Variants in ROR2 observed in about 807,000 individuals in gnomAD.
ROR2 encodes tyrosine-protein kinase transmembrane receptor ROR2.
Under a neutral mutation model 74.9 loss-of-function variants are expected in ROR2, and 33 were observed. That is an observed-to-expected ratio of 0.44 (90% confidence interval 0.33 to 0.59). The LOEUF is 0.59. ROR2 is among the 20% of genes least tolerant of loss of function. The probability of loss-of-function intolerance (pLI) is 0.02; values close to 1 mark genes in which losing one functional copy is unlikely to be tolerated. For synonymous variants in ROR2, 586 were observed against 558.7 expected (o/e 1.05, Z -0.69); for missense variants, 1,216 against 1,313.8 (o/e 0.93, Z 1.15).
chr9:91,895,109 C>A (rs1212249883), intron 1 of ROR2, among the ~76,000 whole-genome samples: 1 of 152,048 alleles, frequency 6.6e-6, no homozygotes, highest in East Asian at 1.9e-4. Context: ...GCTATCAAAC[C>A]ATGAAAAGAG....
At position 91,945,433 on chromosome 9, in the gene ROR2, A is replaced by G. The variant is rs75127805; in HGVS notation, c.97+4434T>C. On this transcript the variant is annotated intron_variant, in intron 1 of 8. Transcript: ENST00000375708. ...ATTTAGGGGAACCCTCCCCCACTCC[A>G]GGAGGACTTGAAGCAGCCGCCACAT... Among the ~76,000 whole-genome samples, 1,324 of 152,328 alleles carry G rather than the reference A, an allele frequency of 8.7e-3. 14 individuals are homozygous for G. The highest frequency in any genetic ancestry group is 0.024 in the Middle Eastern group (7 of 294).
At chr9:91,901,617 A>C (rs1432077003) in intron 1 of ROR2, among the ~76,000 whole-genome samples, 1 of 152,090 alleles carries the variant, frequency 6.6e-6, no homozygotes. Flanking sequence ...GGAGTTTGAG[A>C]CCAGCCTGAC....
At position 91,927,459 on chromosome 9, in the gene ROR2, T is replaced by A. The variant is rs140049111; in HGVS notation, c.97+22408A>T. 7.7e-4 allele frequency among the ~76,000 whole-genome samples: 117 copies of A among 152,112 alleles called. No homozygotes were observed. The East Asian group carries it at 0.018, about 23-fold the overall frequency. ...GAAGGGGGACCAGGGGAGAAAAAAG[T>A]CCGAGGGCCACCTCCATGCCCCACC... is the stretch of plus-strand genomic sequence containing the variant. On this transcript the variant is annotated intron_variant, in intron 1 of 8. Transcript: ENST00000375708.
At chr9:91,910,862 C>T (rs982208789) in intron 1 of ROR2, among the ~76,000 whole-genome samples, 1 of 152,144 alleles carries the variant, frequency 6.6e-6, no homozygotes, top group Non-Finnish European at 1.5e-5. Flanking sequence ...CGGGGTTTCA[C>T]CTTGTTGGCC....
At chr9:91,940,792 G>T (rs1831831078) in intron 1 of ROR2, among the ~76,000 whole-genome samples, 1 of 151,748 alleles carries the variant, frequency 6.6e-6, no homozygotes, top group South Asian at 2.1e-4. Context: ...AGTAGAGATG[G>T]GGTTTCACCA....
intron 1 of ROR2, among the ~76,000 whole-genome samples, chr9:91,868,631 T>A (rs998079826): frequency 6.6e-6 from 1 of 152,192 alleles, no homozygotes; most frequent in Admixed American, 6.5e-5. Flanking sequence ...GATTTCTCGT[T>A]AAAAACAATG....
At chr9:91,817,124 C>T (rs1827964839) in intron 1 of ROR2, among the ~76,000 whole-genome samples, 1 of 152,206 alleles carries the variant, frequency 6.6e-6, no homozygotes, top group Non-Finnish European at 1.5e-5. Flanking sequence ...GCAGAGCTGA[C>T]ATCTGCCGTT....
intron 1 of ROR2, among the ~76,000 whole-genome samples, chr9:91,910,666 T>C (rs1457178347): frequency 2.1e-5 from 3 of 143,318 alleles, no homozygotes; most frequent in East Asian, 2.0e-4. Context: ...AAATATGTAA[T>C]ACTTTTTTTT....
At chr9:91,789,078 C>T (rs990239450) in intron 1 of ROR2, among the ~76,000 whole-genome samples, 7 of 152,046 alleles carry the variant, frequency 4.6e-5, no homozygotes, top group East Asian at 1.9e-4. Context: ...GTATACTTCA[C>T]GATAGCTAGA....
chr9:91,917,465 C>T (rs1037661548), intron 1 of ROR2, among the ~76,000 whole-genome samples: 9 of 152,210 alleles, frequency 5.9e-5, no homozygotes, highest in African/African-American at 2.2e-4. Flanking sequence ...GGCAGGGAAG[C>T]TCGTGTGTCC....
chr9:91,760,270 C>G (rs75699713), intron 2 of ROR2, among the ~76,000 whole-genome samples: 4,825 of 152,342 alleles, frequency 0.032, 259 homozygotes, highest in African/African-American at 0.11. Context: ...CACTAAATCA[C>G]TTGGCTTGTT....
chr9:91,903,516 A>G (rs1830725993), intron 1 of ROR2, among the ~76,000 whole-genome samples: 1 of 151,870 alleles, frequency 6.6e-6, no homozygotes, highest in Admixed American at 6.6e-5. Flanking sequence ...CCATTCCTAC[A>G]TCTCCAAATT....
At chr9:91,939,573 T>C (rs927114352) in intron 1 of ROR2, among the ~76,000 whole-genome samples, 1 of 152,174 alleles carries the variant, frequency 6.6e-6, no homozygotes, top group Non-Finnish European at 1.5e-5. Flanking sequence ...TGTGAATTCT[T>C]TTACATACTC....
intron 1 of ROR2, among the ~76,000 whole-genome samples, chr9:91,867,656 C>CTATGTGTGTG (rs564755026): frequency 7.6e-6 from 1 of 131,288 alleles, no homozygotes; most frequent in East Asian, 2.2e-4. Flanking sequence ...CACCCATGAG[C>CTATGTGTGTG]TGTGTGTGTG....
chr9:91,908,838 A>G (rs556122843), intron 1 of ROR2, among the ~76,000 whole-genome samples: 2 of 152,190 alleles, frequency 1.3e-5, no homozygotes, highest in Non-Finnish European at 2.9e-5. Flanking sequence ...ATTCCTTAAA[A>G]TGTAAACACC....
rs183812603 is a variant in ROR2 at position 91,884,514 on chromosome 9, A to T, written c.97+65353T>A. Among the ~76,000 whole-genome samples the T allele has an allele frequency of 6.6e-5, 10 of 150,438 alleles. No homozygotes were observed. The East Asian group carries it at 1.8e-3, about 26-fold the overall frequency. On this transcript the variant is annotated intron_variant, in intron 1 of 8. Coordinates refer to ENST00000375708, the MANE Select transcript of ROR2 (RefSeq NM_004560.4). The stretch of plus-strand genomic sequence containing the variant: ...AAGGCTTGCGGGGGGCCTTCTAGGT[A>T]CAGAAATTCTGTATTCTCCATTCCC...
At chr9:91,823,780 C>T (rs1421376955) in intron 1 of ROR2, among the ~76,000 whole-genome samples, 3 of 152,222 alleles carry the variant, frequency 2.0e-5, no homozygotes, top group Non-Finnish European at 4.4e-5. Context: ...GGCCCACATT[C>T]CCAAGGTGAC....
chr9:91,774,998 C>T (rs1285609154), intron 2 of ROR2, among the ~76,000 whole-genome samples: 1 of 152,244 alleles, frequency 6.6e-6, no homozygotes, highest in Non-Finnish European at 1.5e-5. Context: ...ACCTCTGTCT[C>T]TCCACCGTAA....
chr9:91,880,175 A>G lies in ROR2; in HGVS notation c.97+69692T>C, dbSNP rs925915011. 3.3e-5 allele frequency among the ~76,000 whole-genome samples: 5 copies of G among 152,076 alleles called. No homozygotes were observed. The South Asian group carries it at 1.0e-3, about 32-fold the overall frequency. On this transcript the variant is annotated intron_variant, in intron 1 of 8. Transcript: ENST00000375708. ...ACTTGTGTCCTTATAAGAAAAAAAA[A>G]GGACACACACACAGTAGGATGACCA...
Sources: gnomAD v4.1 joint callset for allele counts (sites outside exome capture counted in the v4.1 genomes callset) on GRCh38, gnomAD v4.1.1 for gene constraint, MANE v1.5 for transcripts, NCBI Gene and HGNC (gene_info 2026-07-23, HGNC 2026-07-21) for gene names.